RASGRP1: variants seen among roughly 807,000 people sequenced by gnomAD.
The protein encoded by RASGRP1 is RAS guanyl-releasing protein 1.
In RASGRP1, 37 loss-of-function variants were observed where a neutral mutation model predicts 95.1. The ratio of observed to expected loss-of-function variants is 0.39; its 90% CI spans 0.30 to 0.51. RASGRP1 has a LOEUF of 0.51. RASGRP1 is among the 20% of genes least tolerant of loss of function. The pLI, the probability that RASGRP1 is intolerant of heterozygous loss-of-function variation, is 0.80. For missense variants in RASGRP1, 711 were observed against 965.4 expected, an observed-to-expected ratio of 0.74 and a Z score of 3.49; for synonymous variants, 325 against 353.4, an observed-to-expected ratio of 0.92 and a Z score of 0.90.
chr15:38,509,634 G>A (rs1000395314), intron 8 of RASGRP1, among the ~76,000 whole-genome samples: 10 of 152,212 alleles, frequency 6.6e-5, no homozygotes, highest in Admixed American at 2.0e-4. Context: ...CCTGAGGCAG[G>A]AGGATTACTT....
chr15:38,563,519 A>C (rs1296979063), intron 1 of RASGRP1, among the ~76,000 whole-genome samples: 1 of 152,222 alleles, frequency 6.6e-6, no homozygotes, highest in African/African-American at 2.4e-5. Flanking sequence ...CGCCTAGAAA[A>C]GTAAGAGATG....
At chr15:38,527,040 A>G (rs1892251038) in intron 2 of RASGRP1, among the ~76,000 whole-genome samples, 1 of 152,250 alleles carries the variant, frequency 6.6e-6, no homozygotes, top group Non-Finnish European at 1.5e-5. Flanking sequence ...ATTAAAGAAC[A>G]TGGTTAGCTA....
chr15:38,535,207 C>T (rs1179265928), intron 2 of RASGRP1, among the ~76,000 whole-genome samples: 4 of 152,120 alleles, frequency 2.6e-5, no homozygotes, highest in Non-Finnish European at 5.9e-5. Flanking sequence ...ACAAGAAGGG[C>T]CCTCTCACTC....
chr15:38,524,178 G>C (rs1168796189), intron 3 of RASGRP1: 3 of 152,060 alleles, frequency 2.0e-5, no homozygotes, highest in Non-Finnish European at 4.4e-5. Context: ...TTGATGCCAG[G>C]AGTTTGAGAC....
intron 16 of RASGRP1, among the ~76,000 whole-genome samples, chr15:38,493,025 C>T (rs867888401): frequency 3.3e-5 from 5 of 151,696 alleles, no homozygotes; most frequent in East Asian, 1.9e-4. Context: ...GGACTACAGG[C>T]GCCCATTACC....
rs1555405016 is a variant in RASGRP1, at chr15:38,557,629, GTA to G, written c.220+2190_220+2191del. On this transcript the variant is annotated intron_variant, in intron 2 of 16. Transcript: ENST00000310803. The stretch of plus-strand genomic sequence containing the variant: ...TGTGTGTGTGTGTGTGTGTGTGTGT[GTA>G]TATATATATATATATTTCCTGAACA... 6.2e-3 allele frequency among the ~76,000 whole-genome samples: 914 copies of G among 147,308 alleles called. 10 individuals carry two copies. The highest frequency in any genetic ancestry group is 0.02 in the African/African-American group (774 of 39,298).
intron 2 of RASGRP1, among the ~76,000 whole-genome samples, chr15:38,553,000 T>G (rs1473431642): frequency 6.6e-6 from 1 of 152,168 alleles, no homozygotes; most frequent in Non-Finnish European, 1.5e-5. Flanking sequence ...TGGGACTCAG[T>G]GCAATTAAAA....
intron 4 of RASGRP1, 40 bp downstream of exon 4, chr15:38,519,269 C>T (rs1297952849): frequency 1.5e-5 from 22 of 1,491,112 alleles, no homozygotes; most frequent in Non-Finnish European, 2.0e-5. Context: ...TTCATTTCAC[C>T]TTGCTCCACA....
rs749376620 is a variant in RASGRP1, at chr15:38,518,803, TAAAA to T, written c.390-384_390-381del. Among the ~76,000 whole-genome samples the T allele has an allele frequency of 5.3e-5, 8 of 152,296 alleles. No homozygotes were observed. The East Asian group carries it at 7.7e-4, about 15-fold the overall frequency. ...TCATATTCGAATATTACATGGCTAT[TAAAA>T]AGAATGTTTACAAAAAGTCTTTAAT... On this transcript the variant is annotated intron_variant, in intron 4 of 16. Transcript: ENST00000310803.
intron 3 of RASGRP1, among the ~76,000 whole-genome samples, chr15:38,520,594 T>G (rs1262507285): frequency 1.3e-5 from 2 of 152,190 alleles, no homozygotes; most frequent in Non-Finnish European, 2.9e-5. Context: ...GAAACCTTAT[T>G]AAGTTTATGC....
At chr15:38,520,203 G>A (rs1353646389) in intron 3 of RASGRP1, among the ~76,000 whole-genome samples, 3 of 152,300 alleles carry the variant, frequency 2.0e-5, no homozygotes, top group East Asian at 1.9e-4. Context: ...GGCTATGTGG[G>A]CTCTGTGCCC....
intron 1 of RASGRP1, among the ~76,000 whole-genome samples, chr15:38,562,456 C>T (rs1245509894): frequency 6.6e-6 from 1 of 152,168 alleles, no homozygotes; most frequent in East Asian, 1.9e-4. Context: ...GGTGGGCGCC[C>T]TTCCCTTCCT....
At chr15:38,509,093 TTC>T (rs1205004929) in intron 8 of RASGRP1, among the ~76,000 whole-genome samples, 1 of 152,162 alleles carries the variant, frequency 6.6e-6, no homozygotes, top group Non-Finnish European at 1.5e-5. Flanking sequence ...TAGAATGAAC[TTC>T]TTTTCTTTTT....
At chr15:38,526,877 C>T (rs1892245937) in intron 2 of RASGRP1, among the ~76,000 whole-genome samples, 3 of 152,140 alleles carry the variant, frequency 2.0e-5, no homozygotes, top group Non-Finnish European at 4.4e-5. Flanking sequence ...CGTCCCATGG[C>T]CTTGGAAGGG....
intron 2 of RASGRP1, among the ~76,000 whole-genome samples, chr15:38,555,868 T>C (rs2043059003): frequency 6.6e-6 from 1 of 152,070 alleles, no homozygotes; most frequent in South Asian, 2.1e-4. Context: ...GAGTTGTGTA[T>C]GTGTGTTGGG....
intron 13 of RASGRP1, 45 bp downstream of exon 13, chr15:38,501,098 A>G (rs1337451434): frequency 1.0e-5 from 16 of 1,542,496 alleles, no homozygotes; most frequent in Admixed American, 2.0e-5. Flanking sequence ...AGTATCCCAC[A>G]CTCTTCCCCA....
chr15:38,548,133 T>C (rs369076140), intron 2 of RASGRP1, among the ~76,000 whole-genome samples: 1 of 152,178 alleles, frequency 6.6e-6, no homozygotes, highest in African/African-American at 2.4e-5. Context: ...TATTTTCCTC[T>C]CCCTTCTTTA....
Position 38,490,572 on chromosome 15 carries a change from C to G in RASGRP1, c.2376G>C (p.Glu792Asp). Reference sequence around the variant, plus strand: ...TTCTGGGCTAAGAACAGTCACCCTGCTCCATTTGAGCTAAGACATGATTGC... The same window carrying G: ...TTCTGGGCTAAGAACAGTCACCCTGGTCCATTTGAGCTAAGACATGATTGC... The part of the protein sequence containing the change: ...EKSNHVLAQM[E>D]QGDCS Residue 792 changes from glutamate (E) to aspartate (D), a missense_variant, in exon 17 of 17, where the codon GAG becomes GAC. Glu to Asp is a conservative substitution (Grantham distance 45). Around this residue, in one of 3 missense-constraint regions of RASGRP1, gnomAD observed 212 missense variants for 247.8 expected, o/e 0.86. Transcript: ENST00000310803. The G allele has an allele frequency of 6.2e-7, 1 of 1,612,108 alleles. No individual in the cohort carries two copies. The highest frequency in any genetic ancestry group is 8.5e-7 in the Non-Finnish European group (1 of 1,178,722).
chr15:38,520,808 C>G (rs536794155), intron 3 of RASGRP1, among the ~76,000 whole-genome samples: 28 of 152,182 alleles, frequency 1.8e-4, no homozygotes, highest in Admixed American at 1.2e-3. Context: ...TTCAAAGTCC[C>G]TTAAAAATGC....
Sources: gnomAD v4.1 joint callset for allele counts (sites outside exome capture counted in the v4.1 genomes callset) on GRCh38, gnomAD v4.1.1 for gene constraint, gnomAD v4.1.1 regional missense constraint, MANE v1.5 for transcripts, NCBI Gene and HGNC (gene_info 2026-07-23, HGNC 2026-07-21) for gene names.